Variants in FAT3 observed in about 807,000 individuals in gnomAD.
FAT3 encodes the protein protocadherin Fat 3.
Under a neutral mutation model 310.2 loss-of-function variants are expected in FAT3, and 95 were observed. That is an observed-to-expected ratio of 0.31 (90% CI 0.26 to 0.36). FAT3 has a LOEUF of 0.36. Among genes scored for constraint, FAT3 ranks in the 10% least tolerant of loss-of-function variants. The pLI, the probability that FAT3 is intolerant of heterozygous loss-of-function variation, is 1.00. For missense variants in FAT3, 5,408 were observed against 5,715.6 expected, an observed-to-expected ratio of 0.95 and a Z score of 1.74; for synonymous variants, 2,314 against 2,192.9, an observed-to-expected ratio of 1.06 and a Z score of -1.54.
intron 4 of FAT3, among the ~76,000 whole-genome samples, chr11:92,735,882 G>A (rs138392407): frequency 7.6e-4 from 115 of 152,066 alleles, no homozygotes; most frequent in South Asian, 4.6e-3. Flanking sequence ...TAATTAACAT[G>A]TTATTTCATT....
intron 1 of FAT3, among the ~76,000 whole-genome samples, chr11:92,244,405 C>T (rs1346641163): frequency 6.6e-6 from 1 of 152,114 alleles, no homozygotes. Flanking sequence ...CATATTTTAT[C>T]TGGCAACTTG....
intron 2 of FAT3, among the ~76,000 whole-genome samples, chr11:92,364,337 A>G (rs918820420): frequency 3.9e-5 from 6 of 152,170 alleles, no homozygotes; most frequent in Non-Finnish European, 8.8e-5. Context: ...AAGCCTAGTA[A>G]GCATAGATTA....
In FAT3 at chr11:92,524,637, T is replaced by G; in HGVS notation, c.3296T>G (p.Val1099Gly). The G allele has an allele frequency of 6.2e-7, 1 of 1,611,958 alleles. No individual in the cohort carries two copies. Among genetic ancestry groups the G allele is most frequent in the Non-Finnish European group, 8.5e-7 (1 of 1,178,348 alleles). The part of the protein sequence containing the change: ...GRFSIDDESG[V>G]ITAADILDRE... ...ACACTTCTCTTTTTTGTCTCAGGGG[T>G]CATCACTGCCGCAGACATTCTTGAT... Residue 1099 changes from valine to glycine, a missense_variant, in exon 3 of 28, where the codon GTC becomes GGC. This residue lies in a region of FAT3 where 4,588 missense variants were observed against 4,809.8 expected (regional missense o/e 0.95). Transcript: ENST00000525166.
chr11:92,735,162 A>G (rs1945304633), intron 4 of FAT3, among the ~76,000 whole-genome samples: 1 of 152,158 alleles, frequency 6.6e-6, no homozygotes, highest in Non-Finnish European at 1.5e-5. Flanking sequence ...CTGAATGACA[A>G]GCCTGATTTT....
intron 3 of FAT3, among the ~76,000 whole-genome samples, chr11:92,537,730 T>C (rs1266374420): frequency 6.6e-6 from 1 of 152,132 alleles, no homozygotes; most frequent in East Asian, 1.9e-4. Context: ...TTCCCTAATA[T>C]ACCCTTGTAA....
intron 1 of FAT3, among the ~76,000 whole-genome samples, chr11:92,328,289 G>A (rs1265207225): frequency 1.3e-5 from 2 of 152,182 alleles, no homozygotes; most frequent in South Asian, 2.1e-4. Context: ...GTAGAAGCTA[G>A]GGTGACAAAC....
intron 9 of FAT3, among the ~76,000 whole-genome samples, chr11:92,796,610 T>G (rs1287792781): frequency 6.6e-6 from 1 of 152,178 alleles, no homozygotes; most frequent in Non-Finnish European, 1.5e-5. Context: ...CAGATAGAGT[T>G]GAATAACCAA....
rs368047156 is a variant in FAT3, at chr11:92,880,806, C to T, written c.12203C>T (p.Pro4068Leu). 3 of 1,613,792 alleles carry T rather than the reference C, an allele frequency of 1.9e-6. No individual in the cohort carries two copies. The highest frequency in any genetic ancestry group is 2.7e-5 in the African/African-American group (2 of 74,888). The change falls in exon 23 of 28, where the codon CCC becomes CTC. Residue 4068 changes from proline to leucine, a missense_variant. Physicochemically the swap from Pro to Leu is moderately conservative, Grantham distance 98. Transcript: ENST00000525166. The part of the protein sequence containing the change: ...ESEITACFPN[P>L]CRNGGSCDPI... ...GAGATTACAGCCTGCTTCCCAAACC[C>T]CTGCCGGAATGGAGGATCCTGCGAT...
chr11:92,381,437 T>C (rs1049803034), intron 2 of FAT3, among the ~76,000 whole-genome samples: 9 of 152,126 alleles, frequency 5.9e-5, no homozygotes, highest in African/African-American at 1.9e-4. Context: ...TGCTCGAACA[T>C]GGGAGGCGGA....
At chr11:92,716,892 T>C (rs536043302) in intron 4 of FAT3, among the ~76,000 whole-genome samples, 1 of 152,282 alleles carries the variant, frequency 6.6e-6, no homozygotes, top group African/African-American at 2.4e-5. Context: ...AAGAAACCCA[T>C]TGTTGCAGGA....
chr11:92,471,915 C>CCATATA (rs1491237983), intron 2 of FAT3, among the ~76,000 whole-genome samples: 3 of 124,940 alleles, frequency 2.4e-5, no homozygotes, highest in Non-Finnish European at 3.3e-5. Context: ...TTTTCATATG[C>CCATATA]TATATATATA....
At chr11:92,405,600 A>C (rs917622745) in intron 2 of FAT3, among the ~76,000 whole-genome samples, 64 of 152,060 alleles carry the variant, frequency 4.2e-4, no homozygotes, top group African/African-American at 1.5e-3. Flanking sequence ...CTACAAAATA[A>C]ATTAGCTGGA....
intron 2 of FAT3, among the ~76,000 whole-genome samples, chr11:92,404,925 T>C (rs1425025994): frequency 2.0e-5 from 3 of 152,046 alleles, no homozygotes; most frequent in South Asian, 2.1e-4. Context: ...ACTCAGATGG[T>C]AACTTATACC....
chr11:92,534,280 G>C (rs191259816), intron 3 of FAT3, among the ~76,000 whole-genome samples: 21 of 152,258 alleles, frequency 1.4e-4, no homozygotes, highest in East Asian at 3.9e-4. Context: ...CAGTCCTGGG[G>C]GGGGAGGGGA....
chr11:92,455,032 T>G (rs191462780), intron 2 of FAT3, among the ~76,000 whole-genome samples: 2 of 152,234 alleles, frequency 1.3e-5, no homozygotes, highest in Admixed American at 1.3e-4. Context: ...GGAGTTCCCA[T>G]GTACTGTATT....
At chr11:92,416,477 A>G (rs1045870590) in intron 2 of FAT3, among the ~76,000 whole-genome samples, 4 of 152,150 alleles carry the variant, frequency 2.6e-5, no homozygotes, top group African/African-American at 9.7e-5. Context: ...AGTGTATTTT[A>G]TACATTGTTC....
At chr11:92,585,347 C>T (rs755775089) in intron 3 of FAT3, among the ~76,000 whole-genome samples, 2 of 151,994 alleles carry the variant, frequency 1.3e-5, no homozygotes, top group Non-Finnish European at 2.9e-5. Context: ...TACAAAGCCA[C>T]ACAACAGATT....
chr11:92,718,570 T>C (rs1944760482), intron 4 of FAT3, among the ~76,000 whole-genome samples: 1 of 152,196 alleles, frequency 6.6e-6, no homozygotes, highest in Non-Finnish European at 1.5e-5. Flanking sequence ...TATTACTCTT[T>C]CTTACTAGTG....
At chr11:92,369,940 C>T (rs559987195) in intron 2 of FAT3, among the ~76,000 whole-genome samples, 1 of 152,110 alleles carries the variant, frequency 6.6e-6, no homozygotes, top group Admixed American at 6.6e-5. Flanking sequence ...GAAAGAATTG[C>T]ATTTTTTCTT....
Sources: allele counts gnomAD v4.1 joint callset (sites outside exome capture counted in the v4.1 genomes callset), GRCh38; gene constraint gnomAD v4.1.1; regional missense constraint gnomAD v4.1.1; transcripts MANE v1.5; gene names NCBI Gene and HGNC (gene_info 2026-07-23, HGNC 2026-07-21).